CDH13: variants seen among roughly 807,000 people sequenced by gnomAD.
The protein encoded by CDH13 is cadherin-13.
A neutral mutation model predicts 63.8 loss-of-function variants in CDH13; 24 were observed. That is an observed-to-expected ratio of 0.38 (90% CI 0.27 to 0.53). The LOEUF is 0.53. Ranked by LOEUF, CDH13 falls within the 20% of genes least tolerant of loss-of-function variation. The probability of loss-of-function intolerance (pLI) is 0.85; values close to 1 mark genes in which losing one functional copy is unlikely to be tolerated. For synonymous variants in CDH13, 503 were observed against 355.3 expected (o/e 1.42, Z -4.67); for missense variants, 1,049 against 903.1 (o/e 1.16, Z -2.07).
intron 2 of CDH13, among the ~76,000 whole-genome samples, chr16:82,871,943 C>G (rs1311644514): frequency 3.3e-5 from 5 of 152,170 alleles, no homozygotes; most frequent in Admixed American, 1.3e-4. Context: ...TCAAGGCTGA[C>G]CGTCCTTGGA....
At chr16:83,694,810 G>C (rs975580792) in intron 10 of CDH13, among the ~76,000 whole-genome samples, 2 of 152,194 alleles carry the variant, frequency 1.3e-5, no homozygotes, top group African/African-American at 4.8e-5. Context: ...GGACTAGGGA[G>C]AGTCAAGCCA....
chr16:82,644,211 G>C lies in CDH13; in HGVS notation c.45+17074G>C, dbSNP rs1385663433. ...GCACCCTTTGGCTGGTGCGGCTGAA[G>C]AATTCAATAGCCTAGTAATGAGAAG... On this transcript the variant is annotated intron_variant, in intron 1 of 13. Coordinates refer to ENST00000567109, the MANE Select transcript of CDH13 (RefSeq NM_001257.5). This position sits in a 1 kb window ranked among gnomAD's most constrained non-coding sequence, Gnocchi z 5.7. Among the ~76,000 whole-genome samples the C allele has an allele frequency of 6.6e-6, 1 of 152,168 alleles. No individual in the cohort carries two copies. Among genetic ancestry groups the C allele is most frequent in the Non-Finnish European group, 1.5e-5 (1 of 68,034 alleles).
At chr16:82,629,432 C>T (rs937450469) in intron 1 of CDH13, among the ~76,000 whole-genome samples, 4 of 152,156 alleles carry the variant, frequency 2.6e-5, no homozygotes, top group African/African-American at 9.7e-5. Flanking sequence ...TCCAGTTAAC[C>T]AGCAAGAAGT....
chr16:83,385,232 T>C (rs2091649538), intron 6 of CDH13, among the ~76,000 whole-genome samples: 1 of 152,246 alleles, frequency 6.6e-6, no homozygotes, highest in Admixed American at 6.5e-5. Flanking sequence ...ATTGTTTCCA[T>C]TAAATAGTAC....
At chr16:83,610,865 G>A (rs577449579) in intron 8 of CDH13, among the ~76,000 whole-genome samples, 11 of 152,206 alleles carry the variant, frequency 7.2e-5, no homozygotes, top group African/African-American at 2.4e-4. Flanking sequence ...ATTCAACTTC[G>A]GTTGATTCCA....
At chr16:83,010,434 G>C (rs535499237) in intron 2 of CDH13, among the ~76,000 whole-genome samples, 77 of 152,124 alleles carry the variant, frequency 5.1e-4, no homozygotes, top group Admixed American at 4.3e-3. Flanking sequence ...TGGCCCCTTT[G>C]CTTGTTTTAA....
At chr16:83,755,138 A>T (rs1913399931) in intron 11 of CDH13, among the ~76,000 whole-genome samples, 1 of 152,192 alleles carries the variant, frequency 6.6e-6, no homozygotes, top group African/African-American at 2.4e-5. Flanking sequence ...TACACAAGAG[A>T]TCTGAAATCT....
intron 6 of CDH13, among the ~76,000 whole-genome samples, chr16:83,412,433 G>A (rs773147160): frequency 2.0e-5 from 3 of 152,182 alleles, no homozygotes; most frequent in Admixed American, 6.5e-5. Flanking sequence ...ATGCACTCCA[G>A]CCTGGGTGAC....
intron 10 of CDH13, chr16:83,718,021 C>T (rs995590415): frequency 6.6e-6 from 1 of 152,270 alleles, no homozygotes; most frequent in Non-Finnish European, 1.5e-5. Context: ...ATTCTATTAA[C>T]ATGACTGTGA....
At position 83,291,725 on chromosome 16, in the gene CDH13, G is replaced by C. The variant is rs543759968; in HGVS notation, c.637-53137G>C. 4.6e-5 allele frequency among the ~76,000 whole-genome samples: 7 copies of C among 152,206 alleles called. 1 individual carries two copies. Among genetic ancestry groups the C allele is most frequent in the African/African-American group, 1.7e-4 (7 of 41,534 alleles). ...TGGAGATTAGAGCAAGGGAAATGTG[G>C]TTAATTCAACTCCAGCTTGCTTTGA... On this transcript the variant is annotated intron_variant, in intron 5 of 13. Coordinates refer to ENST00000567109, the MANE Select transcript of CDH13 (RefSeq NM_001257.5).
intron 2 of CDH13, among the ~76,000 whole-genome samples, chr16:82,936,849 C>T (rs942930761): frequency 6.6e-6 from 1 of 152,022 alleles, no homozygotes; most frequent in Non-Finnish European, 1.5e-5. Flanking sequence ...GTACACTTCG[C>T]CCAACCATTT....
chr16:83,585,471 CTG>C (rs1431327648), intron 7 of CDH13, among the ~76,000 whole-genome samples: 1 of 152,138 alleles, frequency 6.6e-6, no homozygotes, highest in African/African-American at 2.4e-5. Flanking sequence ...CAGGGAAGGA[CTG>C]TGCTTGGCTG....
At chr16:83,788,085 G>T (rs1266004502) in intron 13 of CDH13, among the ~76,000 whole-genome samples, 2 of 152,200 alleles carry the variant, frequency 1.3e-5, no homozygotes, top group Non-Finnish European at 2.9e-5. Context: ...ATGTATGTTT[G>T]TGTGCACGCA....
intron 4 of CDH13, among the ~76,000 whole-genome samples, chr16:83,179,502 A>AAAAAAAAAAAAAAAC (rs10528855): frequency 6.7e-6 from 1 of 149,080 alleles, no homozygotes; most frequent in African/African-American, 2.5e-5. Context: ...AAAAAAAAAA[A>AAAAAAAAAAAAAAAC]TTAGCCGGGC....
intron 6 of CDH13, chr16:83,397,500 GA>G: frequency 6.6e-6 from 1 of 152,316 alleles, no homozygotes; most frequent in African/African-American, 2.4e-5. Context: ...AATCTGTAAG[GA>G]AGATGAGCAT....
intron 7 of CDH13, among the ~76,000 whole-genome samples, chr16:83,507,851 A>G (rs12922481): frequency 0.75 from 113,258 of 150,896 alleles, 42,486 homozygotes; most frequent in East Asian, 0.89. Context: ...TGGCCAACAT[A>G]GTAAAACCCG....
At chr16:83,456,958 C>G (rs1173758239) in intron 6 of CDH13, among the ~76,000 whole-genome samples, 1 of 151,818 alleles carries the variant, frequency 6.6e-6, no homozygotes, top group Non-Finnish European at 1.5e-5. Flanking sequence ...TAAGACTCTG[C>G]CTAAAATAAT....
intron 1 of CDH13, among the ~76,000 whole-genome samples, chr16:82,795,035 C>T (rs1415998695): frequency 6.6e-6 from 1 of 152,170 alleles, no homozygotes; most frequent in Admixed American, 6.5e-5. Context: ...GATACCTTCC[C>T]TCCTTTGCCT....
intron 6 of CDH13, among the ~76,000 whole-genome samples, chr16:83,456,500 G>A (rs1386722980): frequency 6.6e-6 from 1 of 152,190 alleles, no homozygotes; most frequent in Non-Finnish European, 1.5e-5. Flanking sequence ...TTCAGGGGAG[G>A]GGACTTTTGC....
Sources: gnomAD v4.1 joint callset for allele counts (sites outside exome capture counted in the v4.1 genomes callset) on GRCh38, gnomAD v4.1.1 for gene constraint, Gnocchi (gnomAD v3.1) non-coding constraint, MANE v1.5 for transcripts, NCBI Gene and HGNC (gene_info 2026-07-23, HGNC 2026-07-21) for gene names.